Variants in TTC39C observed in about 807,000 individuals in gnomAD.
TTC39C encodes tetratricopeptide repeat domain 39C.
TTC39C carries 33 observed loss-of-function variants against 76.3 expected under a neutral mutation model. The ratio of observed to expected loss-of-function variants is 0.43; its 90% CI spans 0.33 to 0.58. The LOEUF is 0.58. Among genes scored for constraint, TTC39C ranks in the 20% least tolerant of loss-of-function variants. The pLI is 0.04. For missense variants in TTC39C, 595 were observed against 701.4 expected, an observed-to-expected ratio of 0.85 and a Z score of 1.71; for synonymous variants, 254 against 260.6, an observed-to-expected ratio of 0.97 and a Z score of 0.24.
intron 10 of TTC39C, among the ~76,000 whole-genome samples, chr18:24,126,760 A>G (rs1229602635): frequency 6.6e-6 from 1 of 151,748 alleles, no homozygotes; most frequent in East Asian, 1.9e-4. Flanking sequence ...TGGTCCTTTC[A>G]CCTCAGTCTC....
upstream of TTC39C, among the ~76,000 whole-genome samples, chr18:24,011,214 A>G (rs2083391431): frequency 6.6e-6 from 1 of 152,202 alleles, no homozygotes; most frequent in African/African-American, 2.4e-5. Context: ...CTACCCATCC[A>G]GGTCCTGGAG....
In TTC39C at chr18:24,128,904, A is replaced by T; in HGVS notation, c.1439A>T (p.Asp480Val). 5 of 1,613,386 alleles carry T rather than the reference A, an allele frequency of 3.1e-6. No individual in the cohort carries two copies. The highest frequency in any genetic ancestry group is 4.2e-6 in the Non-Finnish European group (5 of 1,179,732). The change falls in exon 11 of 14, where the codon GAC becomes GTC. Residue 480 changes from aspartate (D) to valine (V), a missense_variant. By Grantham distance (152) the Asp-to-Val change is radical (BLOSUM62 -3). Transcript: ENST00000317571. ...RMSQACHEVD[D>V]SSVVGLKYLL... ...TTTTAAGCTTGCCATGAAGTGGATG[A>T]CTCATCTGTTGTTGGATTAAAGTAT...
intron 4 of TTC39C, among the ~76,000 whole-genome samples, chr18:24,072,651 A>G (rs747303630): frequency 2.0e-5 from 3 of 152,186 alleles, no homozygotes; most frequent in Non-Finnish European, 4.4e-5. Context: ...CTTCCTTATA[A>G]TGAATTACTC....
chr18:24,126,068 T>A (rs985683198), intron 10 of TTC39C, among the ~76,000 whole-genome samples: 6 of 152,102 alleles, frequency 3.9e-5, no homozygotes, highest in African/African-American at 1.4e-4. Context: ...GCACCTATAG[T>A]CCCAGCTACT....
chr18:24,041,273 T>C (rs1310341225), intron 1 of TTC39C, among the ~76,000 whole-genome samples: 3 of 152,214 alleles, frequency 2.0e-5, no homozygotes, highest in African/African-American at 7.2e-5. Context: ...CAGTCCATTA[T>C]AGTAGGAACT....
Position 24,020,412 on chromosome 18 carries a change from A to C in TTC39C, c.167+5374A>C, listed in dbSNP as rs180997754. On this transcript the variant is annotated intron_variant, in intron 1 of 13. Transcript: ENST00000317571. ...TCTCTGTAAGTGTGTACAAGTGTACAAGAAACACTTGTACAAATACACAAT... is the reference window on the plus strand; with the variant it reads ...TCTCTGTAAGTGTGTACAAGTGTACCAGAAACACTTGTACAAATACACAAT... The C allele has an allele frequency of 2.3e-5, 14 of 603,498 alleles. No homozygotes were observed. In the East Asian group the frequency reaches 7.0e-4, roughly 30 times the overall value. 37.4% of individuals were successfully genotyped at this position (603,498 alleles called of 1,614,324 possible).
chr18:24,078,189 A>G (rs187911485), intron 4 of TTC39C, among the ~76,000 whole-genome samples: 286 of 152,298 alleles, frequency 1.9e-3, no homozygotes, highest in Non-Finnish European at 3.1e-3. Context: ...TTTTTAGTGG[A>G]GGTAGACTAT....
chr18:24,030,001 T>C (rs1427727482), intron 1 of TTC39C, among the ~76,000 whole-genome samples: 1 of 152,246 alleles, frequency 6.6e-6, no homozygotes, highest in East Asian at 1.9e-4. Flanking sequence ...TGACTTCTTT[T>C]CTTTTCCTCA....
At chr18:24,019,808 G>C (rs767819221) in intron 1 of TTC39C, 1 of 1,436,280 alleles carries the variant, frequency 7.0e-7, no homozygotes, top group Non-Finnish European at 9.4e-7. Flanking sequence ...AGTAGTGTCA[G>C]AGACCATATG....
At chr18:24,043,775 C>T (rs1365315493) in intron 1 of TTC39C, among the ~76,000 whole-genome samples, 2 of 152,208 alleles carry the variant, frequency 1.3e-5, no homozygotes, top group South Asian at 2.1e-4. Flanking sequence ...CATGGGAAGA[C>T]GAAGGTTTGC....
At chr18:24,041,204 T>C (rs2083788458) in intron 1 of TTC39C, among the ~76,000 whole-genome samples, 1 of 152,240 alleles carries the variant, frequency 6.6e-6, no homozygotes, top group Non-Finnish European at 1.5e-5. Flanking sequence ...TGAGCCCACC[T>C]ACTTTCTGGC....
At chr18:24,007,284 A>G (rs1835372257) in intron 1 of TTC39C, among the ~76,000 whole-genome samples, 1 of 152,264 alleles carries the variant, frequency 6.6e-6, no homozygotes, top group Non-Finnish European at 1.5e-5. Context: ...CATACCAAAT[A>G]TTATCTATTT....
chr18:24,023,977 TATAC>T (rs1485068643), intron 1 of TTC39C, among the ~76,000 whole-genome samples: 237 of 13,946 alleles, frequency 0.017, 14 homozygotes, highest in Non-Finnish European at 0.032. Flanking sequence ...TATATATATA[TATAC>T]ATATATATAT....
In TTC39C at chr18:24,023,997, TATATATA is replaced by T. The variant is rs1568409077; in HGVS notation, c.167+8960_167+8966del. Among the ~76,000 whole-genome samples the T allele has an allele frequency of 4.0e-4, 3 of 7,448 alleles. 1 individual carries two copies. Among genetic ancestry groups the T allele is most frequent in the Non-Finnish European group, 8.7e-4 (3 of 3,456 alleles). The allele number at this position is 7,448 out of a possible 152,430, so 4.9% of individuals were successfully genotyped here. A position where few individuals can be genotyped will look rare whatever the true frequency, so the allele number is the denominator to read the frequency against. On this transcript the variant is annotated intron_variant, in intron 1 of 13. Coordinates refer to ENST00000317571, the MANE Select transcript of TTC39C (RefSeq NM_001135993.2). ...ATATATATACATATATATATATATA[TATATATA>T]TATATATATATATTTTTTTTTTTTT...
intron 1 of TTC39C, among the ~76,000 whole-genome samples, chr18:24,023,984 A>ATC (rs1568409030): frequency 8.7e-4 from 5 of 5,720 alleles, no homozygotes; most frequent in Non-Finnish European, 2.5e-3. Flanking sequence ...ATATATACAT[A>ATC]TATATATATA....
chr18:24,074,405 G>T (rs1042396533), intron 4 of TTC39C, among the ~76,000 whole-genome samples: 1 of 152,290 alleles, frequency 6.6e-6, no homozygotes, highest in Middle Eastern at 3.4e-3. Context: ...CAAGGTCATT[G>T]CCAAGATCTG....
chr18:24,078,296 G>A (rs2084332694), intron 4 of TTC39C, among the ~76,000 whole-genome samples: 1 of 152,178 alleles, frequency 6.6e-6, no homozygotes, highest in Non-Finnish European at 1.5e-5. Flanking sequence ...ATGCATTTAA[G>A]TAAAATAATA....
intron 1 of TTC39C, among the ~76,000 whole-genome samples, chr18:24,000,848 G>T (rs2083305797): frequency 6.6e-6 from 1 of 152,088 alleles, no homozygotes; most frequent in Admixed American, 6.5e-5. Context: ...CCTGTCACCT[G>T]GTTATCCCAG....
At chr18:24,014,632 C>G, upstream of TTC39C, 1 of 431,984 alleles carries the variant, frequency 2.3e-6, no homozygotes, top group Non-Finnish European at 3.5e-6. Flanking sequence ...CGGGCGGGTG[C>G]TGCTGAGTAA....
Sources: gnomAD v4.1 joint callset for allele counts (sites outside exome capture counted in the v4.1 genomes callset) on GRCh38, gnomAD v4.1.1 for gene constraint, MANE v1.5 for transcripts, NCBI Gene and HGNC (gene_info 2026-07-23, HGNC 2026-07-21) for gene names.